Variants in NUMA1 observed in about 807,000 individuals in gnomAD.
The protein encoded by NUMA1 is nuclear mitotic apparatus protein 1.
A neutral mutation model predicts 237.1 loss-of-function variants in NUMA1; 62 were observed. The ratio of observed to expected loss-of-function variants is 0.26; its 90% CI spans 0.21 to 0.32. NUMA1 has a LOEUF of 0.32. NUMA1 is among the 10% of genes least tolerant of loss of function. The pLI is 1.00. For missense variants in NUMA1, 2,533 were observed against 2,666.5 expected, an observed-to-expected ratio of 0.95 and a Z score of 1.10; for synonymous variants, 1,028 against 1,066.1, an observed-to-expected ratio of 0.96 and a Z score of 0.70.
In NUMA1 at chr11:72,009,260, C is replaced by T. The variant is rs1442709880; in HGVS notation, c.4839+8G>A. On this transcript the variant is annotated splice_region_variant and intron_variant, in intron 18 of 26. Coordinates refer to ENST00000393695, the MANE Select transcript of NUMA1 (RefSeq NM_006185.4). ...GAAGGTGGCATGGGCTGGGGCTGGGCTCCTTACCTGCAGCTTATAGTGCTC... is the reference window on the plus strand; with the variant it reads ...GAAGGTGGCATGGGCTGGGGCTGGGTTCCTTACCTGCAGCTTATAGTGCTC... 6.2e-7 allele frequency: 1 copy of T among 1,611,130 alleles called. No homozygotes were observed. The highest frequency in any genetic ancestry group is 8.5e-7 in the Non-Finnish European group (1 of 1,179,262).
chr11:72,057,635 T>C (rs761312162), intron 2 of NUMA1, among the ~76,000 whole-genome samples: 3 of 151,570 alleles, frequency 2.0e-5, no homozygotes, highest in Non-Finnish European at 4.4e-5. Context: ...TCCCAGCTAC[T>C]TGGGAGGCTG....
intron 25 of NUMA1, 55 bp from the exon 26 acceptor site, chr11:72,004,154 G>C: frequency 6.2e-7 from 1 of 1,609,448 alleles, no homozygotes; most frequent in Admixed American, 1.7e-5. Context: ...CCAGGCCAGC[G>C]TGCTGTGCCA....
chr11:72,008,488 A>T (rs1955907939), intron 20 of NUMA1, 200 bp downstream of exon 20: 1 of 613,222 alleles, frequency 1.6e-6, no homozygotes, highest in Admixed American at 2.7e-5. Flanking sequence ...AGCAGGAGCG[A>T]TAGCTTCCAC....
intron 16 of NUMA1, among the ~76,000 whole-genome samples, chr11:72,012,024 G>A (rs183202451): frequency 1.4e-4 from 22 of 152,308 alleles, no homozygotes; most frequent in South Asian, 6.2e-4. Context: ...GGCCGACACG[G>A]TAATTCTGCT....
intron 3 of NUMA1, 40 bp from the exon 4 acceptor site, chr11:72,029,330 G>C: frequency 9.0e-7 from 1 of 1,112,678 alleles, no homozygotes; most frequent in Non-Finnish European, 1.3e-6. Flanking sequence ...ACCGTTAGAA[G>C]CAACATGGTT....
chr11:72,012,121 T>A, intron 16 of NUMA1: 1 of 438,086 alleles, frequency 2.3e-6, no homozygotes. Context: ...TGGTTCAGGG[T>A]GGGAAAGATG....
At chr11:72,052,405 C>A (rs758821153) in intron 2 of NUMA1, among the ~76,000 whole-genome samples, 25 of 152,264 alleles carry the variant, frequency 1.6e-4, no homozygotes, top group Non-Finnish European at 3.2e-4. Context: ...ACAGCACATG[C>A]AAAGACAGAC....
rs372600045 is a variant in NUMA1, at chr11:72,004,119, G to A, written c.6124-20C>T. The A allele has an allele frequency of 6.7e-5, 108 of 1,612,686 alleles. No individual in the cohort carries two copies. Among genetic ancestry groups the A allele is most frequent in the Non-Finnish European group, 8.4e-5 (99 of 1,179,478 alleles). On this transcript the variant is annotated intron_variant, in intron 25 of 26. Coordinates refer to ENST00000393695, the MANE Select transcript of NUMA1 (RefSeq NM_006185.4). ...GTCAGCCTGCAAGGAAGGGCTGTCA[G>A]ACCGGGAGACCCAATGCTGCCTTCC...
chr11:72,014,468 T>A lies in NUMA1; in HGVS notation c.3035A>T (p.Glu1012Val). ...AAGGTCAGCCTGGGCACGGCCCCGC[T>A]CCTGGGTCAGCCGCGCCACCTCCCT... ...QEREVARLTQ[E>V]RGRAQADLAL... The change falls in exon 15 of 27, where the codon GAG (glutamate) becomes GTG (valine). Residue 1012 changes from glutamate to valine, a missense_variant. Around this residue, in one of 3 missense-constraint regions of NUMA1, gnomAD observed 1,414 missense variants for 1,508.1 expected, o/e 0.94. Coordinates refer to ENST00000393695, the MANE Select transcript of NUMA1 (RefSeq NM_006185.4). This position sits in a 1 kb window ranked among gnomAD's most constrained non-coding sequence, Gnocchi z 4.6. 1.1e-5 allele frequency: 18 copies of A among 1,603,570 alleles called. No homozygotes were observed. The highest frequency in any genetic ancestry group is 1.4e-5 in the Non-Finnish European group (17 of 1,179,976).
chr11:72,038,565 T>G (rs1248644947), intron 2 of NUMA1, among the ~76,000 whole-genome samples: 1 of 152,080 alleles, frequency 6.6e-6, no homozygotes, highest in Non-Finnish European at 1.5e-5. Context: ...CAGCTAAGTC[T>G]TCTACATTGG....
intron 3 of NUMA1, 131 bp downstream of exon 3, chr11:72,035,771 G>T: frequency 1.2e-6 from 1 of 838,290 alleles, no homozygotes. Flanking sequence ...TTTCCATGCT[G>T]TCTAAAGGAA....
chr11:72,019,942 G>A (rs563455218), intron 8 of NUMA1, among the ~76,000 whole-genome samples: 1 of 152,270 alleles, frequency 6.6e-6, no homozygotes, highest in South Asian at 2.1e-4. Context: ...CTGCAGAGAC[G>A]GCTTGGGGAG....
At chr11:72,011,439 C>G (rs1956156131) in intron 16 of NUMA1, among the ~76,000 whole-genome samples, 1 of 152,186 alleles carries the variant, frequency 6.6e-6, no homozygotes, top group South Asian at 2.1e-4. Context: ...CACCCCACTC[C>G]TACAAAGAGG....
At chr11:72,020,849 G>A (rs191699543) in intron 8 of NUMA1, 1 of 173,596 alleles carries the variant, frequency 5.8e-6, no homozygotes, top group African/African-American at 2.4e-5. Context: ...TCCAGCCTGG[G>A]CGACAGAGAG....
At chr11:72,039,044 C>A (rs1040572619) in intron 2 of NUMA1, among the ~76,000 whole-genome samples, 2 of 152,192 alleles carry the variant, frequency 1.3e-5, no homozygotes, top group Non-Finnish European at 2.9e-5. Flanking sequence ...GCAGCTCCCC[C>A]ACATCAGGAC....
At chr11:72,050,459 A>G (rs1324679266) in intron 2 of NUMA1, among the ~76,000 whole-genome samples, 1 of 152,234 alleles carries the variant, frequency 6.6e-6, no homozygotes, top group African/African-American at 2.4e-5. Context: ...TAATAAGTGA[A>G]ATAAGTGGGA....
chr11:72,009,364 C>G lies in NUMA1; in HGVS notation c.4743G>C (p.Glu1581Asp). 6.2e-7 allele frequency: 1 copy of G among 1,610,898 alleles called. No individual in the cohort carries two copies. Among genetic ancestry groups the G allele is most frequent in the Non-Finnish European group, 8.5e-7 (1 of 1,179,726 alleles). ...GGAGGCGCTGGGCCTCCTGCTGGCTCTCGCCTCCCTGAGCCTGGACAGCCT... is the reference window on the plus strand; with the variant it reads ...GGAGGCGCTGGGCCTCCTGCTGGCTGTCGCCTCCCTGAGCCTGGACAGCCT... ...KLKAVQAQGGESQQEAQRLQA... is the reference protein window; with the variant it reads ...KLKAVQAQGGDSQQEAQRLQA... The change falls in exon 18 of 27, where the codon GAG becomes GAC. Residue 1581 changes from glutamate (E) to aspartate (D), a missense_variant. By Grantham distance (45) the Glu-to-Asp change is conservative (BLOSUM62 2). Coordinates refer to ENST00000393695, the MANE Select transcript of NUMA1 (RefSeq NM_006185.4).
rs748727092 is a variant in NUMA1, at chr11:72,005,225, G to A, written c.5829+8C>T. The A allele has an allele frequency of 1.3e-6, 2 of 1,590,986 alleles. No homozygotes were observed. The highest frequency in any genetic ancestry group is 1.1e-5 in the South Asian group (1 of 88,532). The stretch of plus-strand genomic sequence containing the variant: ...TGGGAGGCCCTGCACAGTGACCCCA[G>A]GCCTCACCCTGGACTCCAGGGGATA... On this transcript the variant is annotated splice_region_variant and intron_variant, in intron 23 of 26. Transcript: ENST00000393695.
intron 12 of NUMA1, 126 bp downstream of exon 12, chr11:72,018,057 C>A: frequency 1.1e-6 from 1 of 922,452 alleles, no homozygotes; most frequent in Non-Finnish European, 1.7e-6. Context: ...GCAAAATATG[C>A]AGGTCTCTGG....
Sources: gnomAD v4.1 joint callset for allele counts (sites outside exome capture counted in the v4.1 genomes callset) on GRCh38, gnomAD v4.1.1 for gene constraint, gnomAD v4.1.1 regional missense constraint, Gnocchi (gnomAD v3.1) non-coding constraint, MANE v1.5 for transcripts, NCBI Gene and HGNC (gene_info 2026-07-23, HGNC 2026-07-21) for gene names.